Variants in PARP8 observed in about 807,000 individuals in gnomAD.
PARP8 encodes the protein protein mono-ADP-ribosyltransferase PARP8.
A neutral mutation model predicts 124.1 loss-of-function variants in PARP8; 51 were observed. The ratio of observed to expected loss-of-function variants is 0.41; its 90% CI spans 0.33 to 0.52. PARP8 has a LOEUF of 0.52. Among genes scored for constraint, PARP8 ranks in the 20% least tolerant of loss-of-function variants. PARP8 has a pLI of 0.21. For missense variants in PARP8, 860 were observed against 1,018.9 expected (o/e 0.84, Z 2.12); for synonymous variants, 391 against 361.5 (o/e 1.08, Z -0.93).
chr5:50,713,982 G>T (rs1259288473), intron 2 of PARP8, among the ~76,000 whole-genome samples: 3 of 151,972 alleles, frequency 2.0e-5, no homozygotes, highest in Admixed American at 2.0e-4. Flanking sequence ...ATTCTGGTCT[G>T]GTTGAACCCA....
intron 14 of PARP8, among the ~76,000 whole-genome samples, chr5:50,801,431 G>A (rs1388050305): frequency 6.6e-6 from 1 of 152,106 alleles, no homozygotes; most frequent in East Asian, 1.9e-4. Context: ...GGTGAAATGT[G>A]ATAGTTTGTG....
chr5:50,833,896 G>A, intron 23 of PARP8, 83 bp from the exon 24 acceptor site: 1 of 1,084,420 alleles, frequency 9.2e-7, no homozygotes. Flanking sequence ...CCATCTTAGT[G>A]ACTATTACTT....
intron 2 of PARP8, among the ~76,000 whole-genome samples, chr5:50,723,125 G>A (rs2149506798): frequency 1.3e-5 from 2 of 152,168 alleles, no homozygotes; most frequent in Middle Eastern, 6.8e-3. Context: ...AATAGTAGTA[G>A]TAAGCTAAAC....
intron 18 of PARP8, among the ~76,000 whole-genome samples, chr5:50,825,524 G>A (rs1746244540): frequency 6.6e-6 from 1 of 152,134 alleles, no homozygotes; most frequent in Non-Finnish European, 1.5e-5. Context: ...TAGAAGGAGG[G>A]CTAGACTGTG....
intron 2 of PARP8, among the ~76,000 whole-genome samples, chr5:50,724,067 C>A (rs1160732012): frequency 6.6e-6 from 1 of 151,992 alleles, no homozygotes; most frequent in Non-Finnish European, 1.5e-5. Context: ...AGTGGTCCAC[C>A]CTACTCGGCC....
At position 50,795,396 on chromosome 5, in the gene PARP8, A is replaced by G. The variant is rs1184600415; in HGVS notation, c.1407A>G (p.Ser469=). The change falls in exon 12 of 26, where the codon TCA becomes TCG. Residue 469 remains serine, a synonymous_variant. Coordinates refer to ENST00000281631, the MANE Select transcript of PARP8 (RefSeq NM_024615.4). The part of the protein sequence containing the change: ...SGLIGILTPS[S]SSSSQLAPNG... ...TTATTGGTATCCTAACACCATCTTC[A>G]TCTTCATCTTCTCAGCTTGCTGTGC... 4 of 1,597,324 alleles carry G rather than the reference A, an allele frequency of 2.5e-6. No homozygotes were observed. The highest frequency in any genetic ancestry group is 3.4e-6 in the Non-Finnish European group (4 of 1,174,278).
chr5:50,669,960 GT>G (rs1351386861), intron 2 of PARP8, among the ~76,000 whole-genome samples: 1 of 152,182 alleles, frequency 6.6e-6, no homozygotes, highest in Non-Finnish European at 1.5e-5. Flanking sequence ...CTGCTGATGT[GT>G]TGCTTTGTCT....
At chr5:50,830,538 T>G (rs1354161290) in intron 22 of PARP8, among the ~76,000 whole-genome samples, 1 of 152,220 alleles carries the variant, frequency 6.6e-6, no homozygotes, top group Admixed American at 6.5e-5. Context: ...TTACTTATCC[T>G]TGGTGGAATT....
In PARP8 at chr5:50,688,751, T is replaced by C. The variant is rs745862769; in HGVS notation, c.146+20626T>C. Among the ~76,000 whole-genome samples the C allele has an allele frequency of 1.6e-4, 25 of 152,214 alleles. 1 individual carries two copies. The highest frequency in any genetic ancestry group is 1.4e-3 in the South Asian group (7 of 4,832). On this transcript the variant is annotated intron_variant, in intron 2 of 25. Transcript: ENST00000281631. ...GCTTGACTCTTGAAGTATTATAGTA[T>C]TTAAATTCTTTACTGAAAGAAAACC... is the stretch of plus-strand genomic sequence containing the variant.
chr5:50,797,755 A>G (rs1742722047), intron 14 of PARP8, among the ~76,000 whole-genome samples: 1 of 152,234 alleles, frequency 6.6e-6, no homozygotes, highest in Non-Finnish European at 1.5e-5. Context: ...ATCAGTGTAT[A>G]CGTGCATTTT....
chr5:50,798,775 T>C (rs988785632), intron 14 of PARP8, among the ~76,000 whole-genome samples: 2 of 152,182 alleles, frequency 1.3e-5, no homozygotes, highest in Admixed American at 1.3e-4. Context: ...CTTATGCACT[T>C]CCCTGATGAC....
intron 3 of PARP8, among the ~76,000 whole-genome samples, chr5:50,758,022 A>G (rs1258965557): frequency 6.6e-6 from 1 of 152,132 alleles, no homozygotes; most frequent in Admixed American, 6.6e-5. Context: ...TATATTAAGT[A>G]GCAACCGACT....
chr5:50,685,197 A>T (rs1028800004), intron 2 of PARP8, among the ~76,000 whole-genome samples: 7 of 152,314 alleles, frequency 4.6e-5, no homozygotes, highest in African/African-American at 1.7e-4. Context: ...ACATTCCCAC[A>T]TGTCAGGATG....
chr5:50,823,241 C>T (rs1032589077), intron 17 of PARP8, among the ~76,000 whole-genome samples: 3 of 152,166 alleles, frequency 2.0e-5, no homozygotes, highest in African/African-American at 4.8e-5. Flanking sequence ...CAGCTTTCTC[C>T]CCGCCCCCCA....
Position 50,842,559 on chromosome 5 carries a change from A to AT in PARP8, c.*496dup, listed in dbSNP as rs1380664855. ...TTTTGGAAGGGGTGTTCCCTATTCT[A>AT]TTTTTCTTCATAAAAAAAGAAGTAG... On this transcript the variant is annotated 3_prime_UTR_variant, in exon 26 of 26. Coordinates refer to ENST00000281631, the MANE Select transcript of PARP8 (RefSeq NM_024615.4). The AT allele has an allele frequency of 6.6e-6, 1 of 152,494 alleles. No individual in the cohort carries two copies. The highest frequency in any genetic ancestry group is 1.9e-4 in the East Asian group (1 of 5,202). The allele number at this position is 152,494 out of a possible 1,614,324, so 9.4% of individuals were successfully genotyped here.
intron 2 of PARP8, chr5:50,741,914 A>T (rs1481777976): frequency 4.7e-6 from 2 of 429,710 alleles, no homozygotes; most frequent in Non-Finnish European, 9.2e-6. Context: ...GGTTCAAGTG[A>T]TTCTCCTGCC....
intron 2 of PARP8, among the ~76,000 whole-genome samples, chr5:50,731,700 G>C (rs1282447629): frequency 6.6e-6 from 1 of 152,138 alleles, no homozygotes; most frequent in Non-Finnish European, 1.5e-5. Context: ...TTATGCATTT[G>C]CTTAATTACA....
chr5:50,830,819 C>CGTGT (rs10611893), intron 22 of PARP8, among the ~76,000 whole-genome samples: 1,707 of 147,924 alleles, frequency 0.012, 18 homozygotes, highest in African/African-American at 0.02. Context: ...TGTGCTCATG[C>CGTGT]GTGTGTGTGT....
chr5:50,671,711 C>T (rs1174249034), intron 2 of PARP8, among the ~76,000 whole-genome samples: 1 of 151,862 alleles, frequency 6.6e-6, no homozygotes, highest in East Asian at 1.9e-4. Context: ...AAGAATATAA[C>T]ATTAATTTCT....
Sources: allele counts gnomAD v4.1 joint callset (sites outside exome capture counted in the v4.1 genomes callset), GRCh38; gene constraint gnomAD v4.1.1; transcripts MANE v1.5; gene names NCBI Gene and HGNC (gene_info 2026-07-23, HGNC 2026-07-21).